The following LXN variants were observed in gnomAD, a reference collection of about 807,000 sequenced individuals.
LXN encodes MUM.
In LXN, 28 loss-of-function variants were observed where a neutral mutation model predicts 29.8. That is an observed-to-expected ratio of 0.94 (90% CI 0.70 to 1.29). LXN has a LOEUF of 1.29. LXN is among the 50% of genes most tolerant of loss of function. The pLI is 0.00. For synonymous variants in LXN, 77 were observed against 89.6 expected, an observed-to-expected ratio of 0.86 and a Z score of 0.80; for missense variants, 227 against 261.7, an observed-to-expected ratio of 0.87 and a Z score of 0.92.
chr3:158,669,148 T>C lies in LXN; in HGVS notation c.371-16A>G. Reference sequence around the variant, plus strand: ...CCAAAATTGTCTGGTAGGAGACACATTTATATGATAATCATATATATAGTA... The same window carrying C: ...CCAAAATTGTCTGGTAGGAGACACACTTATATGATAATCATATATATAGTA... On this transcript the variant is annotated splice_polypyrimidine_tract_variant and intron_variant, in intron 3 of 5. Coordinates refer to ENST00000264265, the MANE Select transcript of LXN (RefSeq NM_020169.4). The C allele has an allele frequency of 6.2e-7, 1 of 1,606,368 alleles. No individual in the cohort carries two copies. The highest frequency in any genetic ancestry group is 8.5e-7 in the Non-Finnish European group (1 of 1,174,488).
intron 1 of LXN, 96 bp downstream of exon 1, chr3:158,672,254 G>T: frequency 6.8e-7 from 1 of 1,473,720 alleles, no homozygotes; most frequent in Non-Finnish European, 9.3e-7. Context: ...GTAGGGGGTG[G>T]CACGGAGTGT....
At chr3:158,670,268 C>T (rs1425001679) in intron 2 of LXN, among the ~76,000 whole-genome samples, 1 of 152,158 alleles carries the variant, frequency 6.6e-6, no homozygotes, top group Non-Finnish European at 1.5e-5. Context: ...ACTGAAAGAT[C>T]TTCATCTGAA....
intron 3 of LXN, 89 bp downstream of exon 3, chr3:158,669,344 A>T: frequency 7.4e-7 from 1 of 1,343,016 alleles, no homozygotes; most frequent in Non-Finnish European, 1.0e-6. Flanking sequence ...TTTCTAACAT[A>T]CTTAGCAACT....
chr3:158,669,538 A>G lies in LXN; in HGVS notation c.265T>C (p.Phe89Leu). ...TGQETAPEVN[F>L]TFEGETGKNP... ...TTTCCAGTTTCTCCTTCAAATGTGA[A>G]GTTGACTTCTGGTGCAGTTTCTTGT... The change falls in exon 3 of 6, where the codon TTC becomes CTC. Residue 89 changes from phenylalanine to leucine, a missense_variant. Transcript: ENST00000264265. 1 of 1,614,010 alleles carries G rather than the reference A, an allele frequency of 6.2e-7. No homozygotes were observed. Among genetic ancestry groups the G allele is most frequent in the Non-Finnish European group, 8.5e-7 (1 of 1,179,940 alleles).
At chr3:158,666,807 G>C (rs1445738463) in intron 5 of LXN, 63 bp from the exon 6 acceptor site, 44 of 1,515,426 alleles carry the variant, frequency 2.9e-5, no homozygotes, top group Non-Finnish European at 3.3e-5. Context: ...AACGTAGTTG[G>C]GTTTATGTTT....
chr3:158,672,111 G>A (rs1191296293), intron 1 of LXN, among the ~76,000 whole-genome samples: 1 of 152,150 alleles, frequency 6.6e-6, no homozygotes, highest in South Asian at 2.1e-4. Context: ...AACTGTGTGC[G>A]TAAAAACTTT....
In LXN at chr3:158,672,467, C is replaced by T; in HGVS notation, c.12G>A (p.Pro4=). ...CCCTGGAGGCTGGGTAGTTGGTCGG[C>T]GGGATTTCCATTCCGGATGAGCAGT... MEI[P]PTNYPASRAA... Residue 4 remains proline, a synonymous_variant, in exon 1 of 6, where the codon CCG becomes CCA. Transcript: ENST00000264265. 1 of 1,613,948 alleles carries T rather than the reference C, an allele frequency of 6.2e-7. No individual in the cohort carries two copies. The highest frequency in any genetic ancestry group is 8.5e-7 in the Non-Finnish European group (1 of 1,179,898).
In LXN at chr3:158,671,031, A is replaced by G. The variant is rs200031573; in HGVS notation, c.130-12T>C. 5.3e-6 allele frequency: 8 copies of G among 1,518,664 alleles called. No homozygotes were observed. In the Admixed American group the frequency reaches 7.1e-5, roughly 13 times the overall value. The allele number at this position is 1,518,664 out of a possible 1,614,324, so 94.1% of individuals were successfully genotyped here. On this transcript the variant is annotated splice_polypyrimidine_tract_variant and intron_variant, in intron 1 of 5. Transcript: ENST00000264265. ...CTTCCTGGAATATCCTAAAATTAAG[A>G]AAATGTAGTGGAGACAAGAAAATAT... is the stretch of plus-strand genomic sequence containing the variant.
Position 158,669,151 on chromosome 3 carries a change from A to G in LXN, c.371-19T>C. On this transcript the variant is annotated intron_variant, in intron 3 of 5. Coordinates refer to ENST00000264265, the MANE Select transcript of LXN (RefSeq NM_020169.4). ...AAATTGTCTGGTAGGAGACACATTT[A>G]TATGATAATCATATATATAGTATTA... is the stretch of plus-strand genomic sequence containing the variant. The G allele has an allele frequency of 1.2e-6, 2 of 1,604,208 alleles. No homozygotes were observed. Among genetic ancestry groups the G allele is most frequent in the African/African-American group, 1.3e-5 (1 of 74,568 alleles).
chr3:158,669,626 C>T lies in LXN; in HGVS notation c.193-16G>A. ...CCTTAACTTGCTGTTTGAAATTTAG[C>T]AAAATATCCTTATATACAGAAGGCT... On this transcript the variant is annotated splice_polypyrimidine_tract_variant and intron_variant, in intron 2 of 5. Transcript: ENST00000264265. 6.2e-7 allele frequency: 1 copy of T among 1,610,596 alleles called. No individual in the cohort carries two copies.
chr3:158,667,702 C>A (rs550342426), intron 4 of LXN, among the ~76,000 whole-genome samples: 28 of 152,028 alleles, frequency 1.8e-4, no homozygotes, highest in African/African-American at 6.5e-4. Context: ...GTGGGAGGAC[C>A]GCCTGAGCCT....
intron 4 of LXN, among the ~76,000 whole-genome samples, chr3:158,668,244 A>G (rs1723906972): frequency 1.3e-5 from 2 of 152,202 alleles, no homozygotes; most frequent in Admixed American, 1.3e-4. Context: ...ATACCTTCTC[A>G]TATACTTTAA....
At chr3:158,670,195 TTAAG>T (rs1331653107) in intron 2 of LXN, among the ~76,000 whole-genome samples, 3 of 152,234 alleles carry the variant, frequency 2.0e-5, no homozygotes, top group Admixed American at 1.3e-4. Flanking sequence ...TTCCTTTCTT[TTAAG>T]TTTGTCTCAT....
At chr3:158,667,805 CA>C (rs552806987) in intron 4 of LXN, among the ~76,000 whole-genome samples, 1 of 151,854 alleles carries the variant, frequency 6.6e-6, no homozygotes, top group Non-Finnish European at 1.5e-5. Flanking sequence ...GGCAAACAAA[CA>C]AAAAAACCAG....
intron 1 of LXN, among the ~76,000 whole-genome samples, chr3:158,671,583 T>C (rs1560138825): frequency 6.6e-6 from 1 of 152,172 alleles, no homozygotes; most frequent in Non-Finnish European, 1.5e-5. Context: ...AGATTGAAAA[T>C]TTATACCTAA....
intron 1 of LXN, 110 bp from the exon 2 acceptor site, chr3:158,671,129 G>A (rs1450444146): frequency 3.1e-6 from 4 of 1,286,652 alleles, no homozygotes. Context: ...GAAGGGGAAT[G>A]GTGAAAGCCT....
In LXN at chr3:158,669,649, G is replaced by C. The variant is rs763601599; in HGVS notation, c.193-39C>G. ...AGCAAAATATCCTTATATACAGAAGGCTATTCATTATTAATTATCATCTTT... is the reference window on the plus strand; with the variant it reads ...AGCAAAATATCCTTATATACAGAAGCCTATTCATTATTAATTATCATCTTT... On this transcript the variant is annotated intron_variant, in intron 2 of 5. Transcript: ENST00000264265. 30 of 1,547,772 alleles carry C rather than the reference G, an allele frequency of 1.9e-5. No homozygotes were observed. The African/African-American group carries it at 3.3e-4, about 17-fold the overall frequency.
chr3:158,672,515 T>A lies in LXN; in HGVS notation c.-37A>T, dbSNP rs902558674. ...AGTGACTTCAGGGCTTGGGCTACTCTGGCTTAACGGGACCAGTAGCAGAGC... is the reference window on the plus strand; with the variant it reads ...AGTGACTTCAGGGCTTGGGCTACTCAGGCTTAACGGGACCAGTAGCAGAGC... On this transcript the variant is annotated 5_prime_UTR_variant, in exon 1 of 6. Coordinates refer to ENST00000264265, the MANE Select transcript of LXN (RefSeq NM_020169.4). The A allele has an allele frequency of 6.2e-7, 1 of 1,611,734 alleles. No individual in the cohort carries two copies. Among genetic ancestry groups the A allele is most frequent in the East Asian group, 2.2e-5 (1 of 44,764 alleles).
chr3:158,671,708 C>T (rs1288494429), intron 1 of LXN, among the ~76,000 whole-genome samples: 5 of 152,176 alleles, frequency 3.3e-5, no homozygotes, highest in South Asian at 2.1e-4. Flanking sequence ...AGTAGATTTT[C>T]GTAAAATGAA....
Sources: allele counts gnomAD v4.1 joint callset (sites outside exome capture counted in the v4.1 genomes callset), GRCh38; gene constraint gnomAD v4.1.1; transcripts MANE v1.5; gene names NCBI Gene and HGNC (gene_info 2026-07-23, HGNC 2026-07-21).